Variants in ARHGAP32 observed in about 807,000 individuals in gnomAD.
ARHGAP32 encodes rho GTPase-activating protein 32.
In ARHGAP32, 51 loss-of-function variants were observed where a neutral mutation model predicts 186.5. The ratio of observed to expected loss-of-function variants is 0.27; its 90% confidence interval spans 0.22 to 0.35. The LOEUF is 0.35. ARHGAP32 is among the 10% of genes least tolerant of loss of function. ARHGAP32 has a pLI of 1.00. For missense variants in ARHGAP32, 2,186 were observed against 2,623.5 expected, an observed-to-expected ratio of 0.83 and a Z score of 3.64; for synonymous variants, 950 against 964.3, an observed-to-expected ratio of 0.99 and a Z score of 0.27.
chr11:129,006,843 T>A (rs1343184371), intron 11 of ARHGAP32, among the ~76,000 whole-genome samples: 1 of 152,178 alleles, frequency 6.6e-6, no homozygotes, highest in Admixed American at 6.5e-5. Flanking sequence ...CCTAGGTGGG[T>A]CCAGAGATGT....
intron 5 of ARHGAP32, among the ~76,000 whole-genome samples, chr11:129,102,350 ACTACTAAC>A (rs946960934): frequency 3.9e-5 from 6 of 152,194 alleles, no homozygotes; most frequent in African/African-American, 1.4e-4. Flanking sequence ...CACACATATC[ACTACTAAC>A]CTTGAATGTA....
intron 11 of ARHGAP32, among the ~76,000 whole-genome samples, chr11:129,009,734 C>CA (rs1430727094): frequency 6.6e-6 from 1 of 152,040 alleles, no homozygotes; most frequent in Non-Finnish European, 1.5e-5. Flanking sequence ...TCTAGTCTAT[C>CA]ACTGATGAGC....
At chr11:129,098,738 T>G (rs1941807961) in intron 5 of ARHGAP32, among the ~76,000 whole-genome samples, 1 of 152,150 alleles carries the variant, frequency 6.6e-6, no homozygotes, top group South Asian at 2.1e-4. Context: ...CCTACATCAT[T>G]TCAAAGGCTA....
intron 10 of ARHGAP32, among the ~76,000 whole-genome samples, chr11:129,047,035 G>A (rs1939839869): frequency 6.6e-6 from 1 of 152,012 alleles, no homozygotes; most frequent in South Asian, 2.1e-4. Flanking sequence ...GGCTGAGGCA[G>A]GAGAATGGTG....
intron 1 of ARHGAP32, among the ~76,000 whole-genome samples, chr11:129,246,272 C>T (rs781652471): frequency 1.3e-5 from 2 of 152,072 alleles, no homozygotes; most frequent in East Asian, 1.9e-4. Flanking sequence ...TACAGAGAAA[C>T]GTACCCAAAT....
intron 1 of ARHGAP32, among the ~76,000 whole-genome samples, chr11:129,267,605 G>A (rs1452299935): frequency 1.3e-5 from 2 of 152,116 alleles, no homozygotes; most frequent in African/African-American, 4.8e-5. Flanking sequence ...TTACTATGGA[G>A]TTTTATTTGA....
intron 1 of ARHGAP32, among the ~76,000 whole-genome samples, chr11:129,243,259 C>T (rs1211877549): frequency 6.6e-6 from 1 of 152,152 alleles, no homozygotes; most frequent in Non-Finnish European, 1.5e-5. Context: ...TCCACCTCTC[C>T]CTTACTCCAT....
intron 7 of ARHGAP32, 40 bp from the exon 8 acceptor site, chr11:129,064,973 CTATGCT>C: frequency 6.8e-7 from 1 of 1,474,306 alleles, no homozygotes; most frequent in South Asian, 1.2e-5. Flanking sequence ...AGTAAAGATA[CTATGCT>C]CTCTGGCAGG....
intron 11 of ARHGAP32, among the ~76,000 whole-genome samples, chr11:129,012,033 A>T (rs566432774): frequency 6.6e-6 from 1 of 152,152 alleles, no homozygotes; most frequent in African/African-American, 2.4e-5. Context: ...AGGATGTGAA[A>T]CTTCCCTGAG....
upstream of ARHGAP32, among the ~76,000 whole-genome samples, chr11:129,196,385 A>G (rs977297766): frequency 6.6e-6 from 1 of 152,226 alleles, no homozygotes; most frequent in Non-Finnish European, 1.5e-5. Context: ...TATTCCCTAA[A>G]CAATACTGTA....
intron 5 of ARHGAP32, among the ~76,000 whole-genome samples, chr11:129,114,864 A>G (rs1942320853): frequency 6.6e-6 from 1 of 152,122 alleles, no homozygotes; most frequent in South Asian, 2.1e-4. Flanking sequence ...ATCTTTAAAA[A>G]TACAACTCTA....
At chr11:129,139,240 G>C (rs918105528) in intron 2 of ARHGAP32, among the ~76,000 whole-genome samples, 2 of 151,834 alleles carry the variant, frequency 1.3e-5, no homozygotes, top group African/African-American at 4.8e-5. Context: ...TCATCATAAA[G>C]GTATTAATCT....
chr11:128,974,684 T>C lies in ARHGAP32; in HGVS notation c.2513A>G (p.Tyr838Cys), dbSNP rs543050226. 1.9e-6 allele frequency: 3 copies of C among 1,614,136 alleles called. No homozygotes were observed. The highest frequency in any genetic ancestry group is 3.3e-5 in the Admixed American group (2 of 60,020). Reference sequence around the variant, plus strand: ...ATTGGCACTTGGTTTATCCTTGGAGTATCCTGGTGAATCTAAAAAGGAAGC... The same window carrying C: ...ATTGGCACTTGGTTTATCCTTGGAGCATCCTGGTGAATCTAAAAAGGAAGC... ...SGASFLDSPG[Y>C]SKDKPSANKK... Residue 838 changes from tyrosine (Y) to cysteine (C), a missense_variant, in exon 21 of 23, where the codon TAC becomes TGC. Around this residue, in one of 5 missense-constraint regions of ARHGAP32, gnomAD observed 263 missense variants for 323.5 expected, o/e 0.81. Coordinates refer to ENST00000682385, the MANE Select transcript of ARHGAP32 (RefSeq NM_001378024.1).
intron 1 of ARHGAP32, among the ~76,000 whole-genome samples, chr11:129,274,742 G>A (rs980133898): frequency 6.6e-6 from 1 of 151,608 alleles, no homozygotes; most frequent in Non-Finnish European, 1.5e-5. Context: ...TAGTAAACTA[G>A]ATCTATTTAG....
In ARHGAP32 at chr11:129,051,554, G is replaced by T. The variant is rs150725037; in HGVS notation, c.964-10545C>A. ...TTTGATGAAATTAAATTATTTTTAT[G>T]AATTGTTCTTCTGACGTCACATTAA... On this transcript the variant is annotated intron_variant, in intron 10 of 22. Transcript: ENST00000682385. Among the ~76,000 whole-genome samples, 25 of 152,286 alleles carry T rather than the reference G, an allele frequency of 1.6e-4. No individual in the cohort carries two copies. In the East Asian group the frequency reaches 4.6e-3, roughly 28 times the overall value.
rs572770255 is a variant in ARHGAP32, at chr11:129,103,815, A to G, written c.445-10108T>C. Among the ~76,000 whole-genome samples, 29 of 152,218 alleles carry G rather than the reference A, an allele frequency of 1.9e-4. No individual in the cohort carries two copies. In the South Asian group the frequency reaches 5.8e-3, roughly 30 times the overall value. ...CAATAACCATCAGAAATTAAGCAACATAAAAATATTCACAAATAAAAATAA... is the reference window on the plus strand; with the variant it reads ...CAATAACCATCAGAAATTAAGCAACGTAAAAATATTCACAAATAAAAATAA... On this transcript the variant is annotated intron_variant, in intron 5 of 22. Transcript: ENST00000682385.
At chr11:129,116,843 C>T (rs1942381697) in intron 5 of ARHGAP32, among the ~76,000 whole-genome samples, 1 of 151,926 alleles carries the variant, frequency 6.6e-6, no homozygotes, top group Non-Finnish European at 1.5e-5. Context: ...TTTGACTTTA[C>T]CTAAGTGCTT....
intron 1 of ARHGAP32, among the ~76,000 whole-genome samples, chr11:129,214,333 G>C (rs1944618042): frequency 6.6e-6 from 1 of 152,186 alleles, no homozygotes; most frequent in Non-Finnish European, 1.5e-5. Flanking sequence ...GTTAACAGTA[G>C]GGGAAATTGG....
chr11:129,158,776 A>G (rs1943467959), intron 2 of ARHGAP32, among the ~76,000 whole-genome samples: 1 of 152,202 alleles, frequency 6.6e-6, no homozygotes, highest in Non-Finnish European at 1.5e-5. Context: ...TCAGCACCAT[A>G]TCGCATGTAT....
Sources: gnomAD v4.1 joint callset for allele counts (sites outside exome capture counted in the v4.1 genomes callset) on GRCh38, gnomAD v4.1.1 for gene constraint, gnomAD v4.1.1 regional missense constraint, MANE v1.5 for transcripts, NCBI Gene and HGNC (gene_info 2026-07-23, HGNC 2026-07-21) for gene names.